HNRNPUL1: variants seen among roughly 807,000 people sequenced by gnomAD.
HNRNPUL1 encodes the protein heterogeneous nuclear ribonucleoprotein U-like protein 1.
A neutral mutation model predicts 108.5 loss-of-function variants in HNRNPUL1; 14 were observed. That is an observed-to-expected ratio of 0.13 (90% CI 0.09 to 0.20). The LOEUF (loss-of-function observed/expected upper bound fraction) is 0.20. HNRNPUL1 is among the 10% of genes least tolerant of loss of function. The pLI, the probability that HNRNPUL1 is intolerant of heterozygous loss-of-function variation, is 1.00. For missense variants in HNRNPUL1, 804 were observed against 1,168.3 expected, an observed-to-expected ratio of 0.69 and a Z score of 4.55; for synonymous variants, 422 against 445.2, an observed-to-expected ratio of 0.95 and a Z score of 0.66.
chr19:41,265,231 C>T lies in HNRNPUL1; in HGVS notation c.295+433C>T. 3.3e-6 allele frequency: 5 copies of T among 1,517,848 alleles called. No individual in the cohort carries two copies. In the Admixed American group the frequency reaches 8.0e-5, roughly 24 times the overall value. The allele number at this position is 1,517,848 out of a possible 1,614,324, so 94.0% of individuals were successfully genotyped here. A position where few individuals can be genotyped will look rare whatever the true frequency, so the allele number is the denominator to read the frequency against. ...GCGTGTGGGCTGGGGGGTGGGGAGC[C>T]GTGTTTCCAGGGTGGGGAAGGAATG... On this transcript the variant is annotated intron_variant, in intron 1 of 14. Transcript: ENST00000392006.
intron 7 of HNRNPUL1, among the ~76,000 whole-genome samples, chr19:41,283,279 T>G (rs1358001373): frequency 6.6e-6 from 1 of 150,426 alleles, no homozygotes; most frequent in African/African-American, 2.4e-5. Flanking sequence ...ATCATAACTG[T>G]TTTTATTTTA....
At chr19:41,275,763 G>T (rs956499722) in intron 4 of HNRNPUL1, among the ~76,000 whole-genome samples, 4 of 152,154 alleles carry the variant, frequency 2.6e-5, no homozygotes, top group African/African-American at 9.7e-5. Context: ...CTCCTGGTCA[G>T]CACTTGGGGA....
intron 10 of HNRNPUL1, among the ~76,000 whole-genome samples, chr19:41,301,303 A>G (rs2037197316): frequency 2.0e-5 from 3 of 152,320 alleles, no homozygotes; most frequent in South Asian, 2.1e-4. Flanking sequence ...CAAAGTCCCA[A>G]CCATTAGGAA....
At chr19:41,306,297 C>T (rs908025055) in intron 14 of HNRNPUL1, 152 bp from the exon 15 acceptor site, 1 of 578,800 alleles carries the variant, frequency 1.7e-6, no homozygotes, top group Non-Finnish European at 3.1e-6. Context: ...GGTGTCAGGT[C>T]TTTCCAAGGT....
Position 41,264,406 on chromosome 19 carries a change from C to A in HNRNPUL1, c.-98C>A. The A allele has an allele frequency of 2.8e-6, 3 of 1,066,820 alleles. No individual in the cohort carries two copies. The highest frequency in any genetic ancestry group is 3.7e-6 in the Non-Finnish European group (3 of 821,116). 66.1% of individuals were successfully genotyped at this position (1,066,820 alleles called of 1,614,324 possible). A position where few individuals can be genotyped will look rare whatever the true frequency, so the allele number is the denominator to read the frequency against. ...CGCTGCCGCCATTGGAGTGGGCCCC[C>A]CCCCTTTCCCCCTTCGCCTCCTGAC... On this transcript the variant is annotated 5_prime_UTR_variant, in exon 1 of 15. Coordinates refer to ENST00000392006, the MANE Select transcript of HNRNPUL1 (RefSeq NM_007040.6).
intron 10 of HNRNPUL1, among the ~76,000 whole-genome samples, chr19:41,301,122 C>A (rs140724106): frequency 1.3e-5 from 2 of 152,244 alleles, no homozygotes; most frequent in African/African-American, 2.4e-5. Context: ...GGAAGAAATT[C>A]ATTCTTCATT....
chr19:41,281,270 T>C lies in HNRNPUL1; in HGVS notation c.994T>C (p.Phe332Leu). Residue 332 changes from phenylalanine to leucine, a missense_variant, in exon 7 of 15, where the codon TTT (phenylalanine) becomes CTT (leucine). Transcript: ENST00000392006. ...TGCAGAGAACGATGTGATTGGCTGC[T>C]TTGCGGTGAGTGCTAGCAGCCTGTG... ...KFAENDVIGC[F>L]ADFECGNDVE... The C allele has an allele frequency of 6.2e-7, 1 of 1,612,060 alleles. No individual in the cohort carries two copies. Among genetic ancestry groups the C allele is most frequent in the Non-Finnish European group, 8.5e-7 (1 of 1,178,172 alleles).
At position 41,307,387 on chromosome 19, in the gene HNRNPUL1, T is replaced by C. The variant is rs2037600831; in HGVS notation, c.*822T>C. The C allele has an allele frequency of 6.6e-6, 1 of 152,590 alleles. No homozygotes were observed. Among genetic ancestry groups the C allele is most frequent in the Admixed American group, 6.5e-5 (1 of 15,274 alleles). 9.5% of individuals were successfully genotyped at this position (152,590 alleles called of 1,614,324 possible). A position where few individuals can be genotyped will look rare whatever the true frequency, so the allele number is the denominator to read the frequency against. Reference sequence around the variant, plus strand: ...AACTTGAAACCTTTTATTCCGGGCGTCTTGGTAGTTTCTGGTGGGATTCAG... The same window carrying C: ...AACTTGAAACCTTTTATTCCGGGCGCCTTGGTAGTTTCTGGTGGGATTCAG... On this transcript the variant is annotated 3_prime_UTR_variant, in exon 15 of 15. Transcript: ENST00000392006.
intron 6 of HNRNPUL1, among the ~76,000 whole-genome samples, chr19:41,279,551 C>A (rs1250970637): frequency 6.6e-6 from 1 of 152,090 alleles, no homozygotes; most frequent in Non-Finnish European, 1.5e-5. Flanking sequence ...CGGAGCCTAA[C>A]CTAGAGGAAA....
intron 7 of HNRNPUL1, among the ~76,000 whole-genome samples, chr19:41,284,995 CAAAAA>C (rs773865440): frequency 1.6e-5 from 1 of 61,444 alleles, no homozygotes; most frequent in African/African-American, 5.7e-5. Flanking sequence ...GACTCTGTCT[CAAAAA>C]AAAAAAAAAA....
intron 7 of HNRNPUL1, chr19:41,286,742 G>T (rs2036254153): frequency 8.8e-6 from 1 of 113,364 alleles, no homozygotes. Flanking sequence ...TTTGAGAGAA[G>T]TCTCACTCTT....
Position 41,292,127 on chromosome 19 carries a change from T to G in HNRNPUL1, c.1000-118T>G. On this transcript the variant is annotated intron_variant, in intron 7 of 14. Transcript: ENST00000392006. This position sits in a 1 kb window ranked among gnomAD's most constrained non-coding sequence, Gnocchi z 4.1. ...AGCTTACCTGTATGTTGGGGAAGGA[T>G]GCACTTCAATCTGGAAAGCTGTCCA... 2 of 1,003,648 alleles carry G rather than the reference T, an allele frequency of 2.0e-6. No individual in the cohort carries two copies. The highest frequency in any genetic ancestry group is 2.9e-5 in the South Asian group (2 of 68,236). 62.2% of individuals were successfully genotyped at this position (1,003,648 alleles called of 1,614,324 possible). A position where few individuals can be genotyped will look rare whatever the true frequency, so the allele number is the denominator to read the frequency against.
At chr19:41,305,597 CT>C in intron 13 of HNRNPUL1, 78 bp from the exon 14 acceptor site, 2 of 1,584,800 alleles carry the variant, frequency 1.3e-6, no homozygotes, top group Non-Finnish European at 1.7e-6. Context: ...TAAAAAGGCC[CT>C]TTTTCCATCC....
chr19:41,292,535 G>C lies in HNRNPUL1; in HGVS notation c.1266+24G>C. On this transcript the variant is annotated intron_variant, in intron 8 of 14. Transcript: ENST00000392006. This position sits in a 1 kb window ranked among gnomAD's most constrained non-coding sequence, Gnocchi z 4.1. The stretch of plus-strand genomic sequence containing the variant: ...AGGTGAGTGGGGCCAGAATGTATTG[G>C]TGGCCACCTTGCTGCCAAGACAGAG... 6.3e-7 allele frequency: 1 copy of C among 1,597,428 alleles called. No individual in the cohort carries two copies. The highest frequency in any genetic ancestry group is 2.3e-5 in the East Asian group (1 of 44,370).
chr19:41,291,985 AAAAAAAAAC>A (rs1405184861), intron 7 of HNRNPUL1: 4 of 431,890 alleles, frequency 9.3e-6, no homozygotes, highest in African/African-American at 6.5e-5. Context: ...GTCTCAAAAA[AAAAAAAAAC>A]AAAAAAAAAA....
rs1249346956 is a variant in HNRNPUL1, at chr19:41,285,015, G to A, written c.999+3740G>A. On this transcript the variant is annotated intron_variant, in intron 7 of 14. Transcript: ENST00000392006. Reference sequence around the variant, plus strand: ...TGTCTCAAAAAAAAAAAAAAAAAAGGGCATACCTATAGGCTATAATTCAAG... The same window carrying A: ...TGTCTCAAAAAAAAAAAAAAAAAAGAGCATACCTATAGGCTATAATTCAAG... Among the ~76,000 whole-genome samples the A allele has an allele frequency of 4.0e-5, 6 of 148,568 alleles. No homozygotes were observed. The South Asian group carries it at 1.3e-3, about 31-fold the overall frequency.
At chr19:41,299,648 CT>C (rs1477002250) in intron 10 of HNRNPUL1, among the ~76,000 whole-genome samples, 1 of 152,126 alleles carries the variant, frequency 6.6e-6, no homozygotes, top group Non-Finnish European at 1.5e-5. Context: ...TGATCCTTGT[CT>C]TTCAGACGAG....
chr19:41,281,368 T>C (rs994027191), intron 7 of HNRNPUL1, 93 bp downstream of exon 7: 231 of 755,116 alleles, frequency 3.1e-4, no homozygotes, highest in Admixed American at 1.5e-4. Flanking sequence ...CTGCCCCATA[T>C]CCAGCCACTC....
chr19:41,268,215 G>A lies in HNRNPUL1; in HGVS notation c.296-8G>A. 2 of 1,611,336 alleles carry A rather than the reference G, an allele frequency of 1.2e-6. No homozygotes were observed. Among genetic ancestry groups the A allele is most frequent in the Non-Finnish European group, 1.7e-6 (2 of 1,178,970 alleles). ...CCTCTAATTGGCCATTTTTAATTTT[G>A]TTTTAAGATGCCATGGACAATATTA... On this transcript the variant is annotated splice_polypyrimidine_tract_variant and splice_region_variant and intron_variant, in intron 1 of 14. Transcript: ENST00000392006.
Sources: gnomAD v4.1 joint callset for allele counts (sites outside exome capture counted in the v4.1 genomes callset) on GRCh38, gnomAD v4.1.1 for gene constraint, Gnocchi (gnomAD v3.1) non-coding constraint, MANE v1.5 for transcripts, NCBI Gene and HGNC (gene_info 2026-07-23, HGNC 2026-07-21) for gene names.